Variants in PAPSS1 observed in about 807,000 individuals in gnomAD.
The protein encoded by PAPSS1 is 3'-phosphoadenosine 5'-phosphosulfate synthase 1.
PAPSS1 carries 50 observed loss-of-function variants against 72.0 expected under a neutral mutation model. The observed-to-expected ratio is 0.69, with a 90% CI of 0.55 to 0.88. The LOEUF (loss-of-function observed/expected upper bound fraction) is 0.88, where lower values mean the gene tolerates loss of function less well. Ranked by LOEUF, PAPSS1 falls within the 40% of genes least tolerant of loss-of-function variation. The pLI is 0.00. For synonymous variants in PAPSS1, 261 were observed against 263.6 expected (o/e 0.99, Z 0.09); for missense variants, 657 against 782.2 (o/e 0.84, Z 1.91).
At chr4:107,675,016 T>C (rs1165376942) in intron 5 of PAPSS1, among the ~76,000 whole-genome samples, 1 of 151,884 alleles carries the variant, frequency 6.6e-6, no homozygotes, top group African/African-American at 2.4e-5. Context: ...CCAGAATCTC[T>C]GGGACACATT....
At chr4:107,715,081 T>C (rs1723600497) in intron 1 of PAPSS1, among the ~76,000 whole-genome samples, 2 of 152,238 alleles carry the variant, frequency 1.3e-5, no homozygotes, top group Non-Finnish European at 2.9e-5. Flanking sequence ...CAATGTCCAA[T>C]AGAGCTTCCT....
intron 10 of PAPSS1, among the ~76,000 whole-genome samples, chr4:107,636,637 C>T (rs1012467153): frequency 1.1e-4 from 17 of 152,100 alleles, no homozygotes; most frequent in African/African-American, 3.6e-4. Flanking sequence ...CTAGTGTACA[C>T]CTGATTCACT....
intron 9 of PAPSS1, among the ~76,000 whole-genome samples, chr4:107,648,637 C>T (rs2110314461): frequency 6.6e-6 from 1 of 152,304 alleles, no homozygotes; most frequent in East Asian, 1.9e-4. Flanking sequence ...CCTTTCTTCC[C>T]TCCCACCCAA....
intron 9 of PAPSS1, among the ~76,000 whole-genome samples, chr4:107,647,655 A>T (rs1319137470): frequency 2.0e-5 from 3 of 152,178 alleles, no homozygotes; most frequent in African/African-American, 7.2e-5. Context: ...TGTTTTGTGC[A>T]ATCTTCCAGT....
chr4:107,618,983 A>G (rs1198956781), intron 11 of PAPSS1, among the ~76,000 whole-genome samples: 1 of 152,194 alleles, frequency 6.6e-6, no homozygotes, highest in Non-Finnish European at 1.5e-5. Context: ...AGGTCCACTT[A>G]TTGGCTCCCT....
chr4:107,711,529 A>G (rs1316237134), intron 1 of PAPSS1, among the ~76,000 whole-genome samples: 1 of 152,254 alleles, frequency 6.6e-6, no homozygotes, highest in East Asian at 1.9e-4. Context: ...GTATAAAGAC[A>G]CAAAGCATAT....
At chr4:107,701,976 C>CAAAAAAAAAAAAA (rs11328129) in intron 1 of PAPSS1, among the ~76,000 whole-genome samples, 2 of 133,922 alleles carry the variant, frequency 1.5e-5, no homozygotes, top group Non-Finnish European at 3.2e-5. Context: ...AAAGCTGCTT[C>CAAAAAAAAAAAAA]AAAAAAAAAA....
chr4:107,651,438 T>TTACC (rs1458177139), intron 9 of PAPSS1, among the ~76,000 whole-genome samples: 1 of 152,212 alleles, frequency 6.6e-6, no homozygotes, highest in Non-Finnish European at 1.5e-5. Flanking sequence ...GGCACCTGTA[T>TTACC]TACCATGTTG....
intron 5 of PAPSS1, among the ~76,000 whole-genome samples, chr4:107,673,640 A>G (rs747472962): frequency 1.3e-5 from 2 of 152,218 alleles, no homozygotes; most frequent in South Asian, 2.1e-4. Flanking sequence ...ATTATCCAGG[A>G]GAACTTCCCC....
At chr4:107,653,363 T>C (rs1726907567) in intron 9 of PAPSS1, 128 bp downstream of exon 9, 1 of 701,170 alleles carries the variant, frequency 1.4e-6, no homozygotes. Context: ...TTGACTACCT[T>C]TCTTTACATA....
chr4:107,621,638 T>TTTTTTTTTTTTTTA (rs1725961667), intron 11 of PAPSS1, among the ~76,000 whole-genome samples: 1 of 133,796 alleles, frequency 7.5e-6, no homozygotes, highest in African/African-American at 3.3e-5. Flanking sequence ...TTTTTTTTTT[T>TTTTTTTTTTTTTTA]GAGAAGGAGT....
intron 5 of PAPSS1, among the ~76,000 whole-genome samples, chr4:107,670,798 A>C (rs1161834551): frequency 6.6e-6 from 1 of 152,214 alleles, no homozygotes; most frequent in East Asian, 1.9e-4. Context: ...TCAGTTTCCC[A>C]AAGTGCTGGG....
chr4:107,644,247 A>G (rs1229092653), intron 10 of PAPSS1, among the ~76,000 whole-genome samples: 2 of 152,044 alleles, frequency 1.3e-5, no homozygotes, highest in African/African-American at 4.8e-5. Context: ...AAAGCAAGCC[A>G]CTCTCACCTT....
At chr4:107,660,093 A>G (rs1449223232) in intron 5 of PAPSS1, 21 bp from the exon 6 acceptor site, 1 of 1,170,720 alleles carries the variant, frequency 8.5e-7, no homozygotes. Flanking sequence ...ACAGGAGTAC[A>G]ATTTAAATGT....
rs763995576 is a variant in PAPSS1, at chr4:107,720,189, G to A, written c.-10C>T. 2 of 1,600,358 alleles carry A rather than the reference G, an allele frequency of 1.2e-6. No individual in the cohort carries two copies. Among genetic ancestry groups the A allele is most frequent in the South Asian group, 1.1e-5 (1 of 89,386 alleles). The stretch of plus-strand genomic sequence containing the variant: ...TCCCGGGGATCTCCATGACCGCGGA[G>A]CGCGCTGAGCAGCCGGGGTTCTCTG... On this transcript the variant is annotated 5_prime_UTR_variant, in exon 1 of 12. Transcript: ENST00000265174.
chr4:107,690,085 C>T (rs796252348), intron 3 of PAPSS1, among the ~76,000 whole-genome samples: 6 of 152,276 alleles, frequency 3.9e-5, no homozygotes, highest in African/African-American at 1.4e-4. Flanking sequence ...CGGCAAGCCT[C>T]CTGGCTAGTC....
intron 1 of PAPSS1, among the ~76,000 whole-genome samples, chr4:107,705,920 T>C (rs1333772998): frequency 2.0e-5 from 3 of 152,224 alleles, no homozygotes; most frequent in Non-Finnish European, 4.4e-5. Flanking sequence ...AATTACAGCA[T>C]TGTTGAATAC....
chr4:107,708,422 T>C (rs997802507), intron 1 of PAPSS1, among the ~76,000 whole-genome samples: 1 of 152,236 alleles, frequency 6.6e-6, no homozygotes, highest in African/African-American at 2.4e-5. Flanking sequence ...TTTTGCTGCC[T>C]ATACTGGTAG....
intron 1 of PAPSS1, among the ~76,000 whole-genome samples, chr4:107,706,261 T>C (rs189699447): frequency 5.9e-5 from 9 of 152,316 alleles, no homozygotes; most frequent in Admixed American, 5.9e-4. Context: ...TGAACTCCTA[T>C]ACCTCAATTT....
Sources: allele counts gnomAD v4.1 joint callset (sites outside exome capture counted in the v4.1 genomes callset), GRCh38; gene constraint gnomAD v4.1.1; transcripts MANE v1.5; gene names NCBI Gene and HGNC (gene_info 2026-07-23, HGNC 2026-07-21).